PLXNB3: variants seen among roughly 807,000 people sequenced by gnomAD.
The protein encoded by PLXNB3 is plexin B3, also known as plexin-B3.
In PLXNB3, 80 loss-of-function variants were observed where a neutral mutation model predicts 125.7. The observed-to-expected ratio is 0.64, with a 90% confidence interval of 0.53 to 0.77. PLXNB3 has a LOEUF of 0.77. Ranked by LOEUF, PLXNB3 falls within the 30% of genes least tolerant of loss-of-function variation. The pLI is 0.00. For synonymous variants in PLXNB3, 954 were observed against 783.3 expected (o/e 1.22, Z -3.64); for missense variants, 1,836 against 1,729.3 (o/e 1.06, Z -1.09).
intron 1 of PLXNB3, among the ~76,000 whole-genome samples, chrX:153,764,566 G>A (rs1176893665): frequency 1.8e-5 from 2 of 112,936 alleles, no homozygotes; most frequent in Non-Finnish European, 3.8e-5. Flanking sequence ...ACAGGGTAGA[G>A]AGGCTGCCCG....
Position 153,776,453 on chromosome X carries a change from C to G in PLXNB3, c.4827C>G (p.His1609Gln). ...NHWKRLNTLQ[H>Q]YKVPDGATVG... ...GGAAGAGACTCAACACCTTGCAACA[C>G]TACAAGGTGTGAGCAGGGACGGGGC... The change falls in exon 28 of 36, where the codon CAC (histidine) becomes CAG (glutamine). Residue 1609 changes from histidine (H) to glutamine (Q), a missense_variant. By Grantham distance (24) the His-to-Gln change is conservative. Transcript: ENST00000361971. The G allele has an allele frequency of 9.8e-7, 1 of 1,022,500 alleles. No individual in the cohort carries two copies. Among genetic ancestry groups the G allele is most frequent in the Non-Finnish European group, 1.3e-6 (1 of 742,576 alleles). The allele number at this position is 1,022,500 out of a possible 1,213,427, so 84.3% of individuals were successfully genotyped here. A position where few individuals can be genotyped will look rare whatever the true frequency, so the allele number is the denominator to read the frequency against.
chrX:153,776,514 C>A (rs1603249880), intron 28 of PLXNB3, 55 bp downstream of exon 28: 1 of 171,903 alleles, frequency 5.8e-6, no homozygotes. Flanking sequence ...CAGGGCGAGG[C>A]AGGGCAGGGC....
chrX:153,770,169 C>T lies in PLXNB3; in HGVS notation c.1707C>T (p.Ser569=). 1.7e-6 allele frequency: 2 copies of T among 1,211,369 alleles called. No homozygotes were observed. The highest frequency in any genetic ancestry group is 3.0e-5 in the East Asian group (1 of 33,874). Reference sequence around the variant, plus strand: ...ATTGTGCGTTCGGGGACTATGACAGCTTGGCTCATGTGGAAGGGCCCCACG... The same window carrying T: ...ATTGTGCGTTCGGGGACTATGACAGTTTGGCTCATGTGGAAGGGCCCCACG... ...YFHCAFGDYD[S]LAHVEGPHVA... is the part of the protein sequence containing the mutation. The change falls in exon 8 of 36, where the codon AGC becomes AGT. Residue 569 remains serine (S), a synonymous_variant. Coordinates refer to ENST00000361971, the MANE Select transcript of PLXNB3 (RefSeq NM_005393.3).
rs782366597 is a variant in PLXNB3 at position 153,770,191 on chromosome X, C to T, written c.1729C>T (p.His577Tyr). 1 of 1,210,115 alleles carries T rather than the reference C, an allele frequency of 8.3e-7. No individual in the cohort carries two copies. Among genetic ancestry groups the T allele is most frequent in the East Asian group, 3.0e-5 (1 of 33,766 alleles). ...YDSLAHVEGP[H>Y]VACVTPPQDQ... ...CAGCTTGGCTCATGTGGAAGGGCCCCACGTGGCCTGTGTCACCCCTCCCCA... is the reference window on the plus strand; with the variant it reads ...CAGCTTGGCTCATGTGGAAGGGCCCTACGTGGCCTGTGTCACCCCTCCCCA... Residue 577 changes from histidine (H) to tyrosine (Y), a missense_variant, in exon 8 of 36, where the codon CAC becomes TAC. Transcript: ENST00000361971.
chrX:153,766,376 C>G (rs2091857769), intron 2 of PLXNB3: 12 of 1,107,944 alleles, frequency 1.1e-5, no homozygotes, highest in Admixed American at 3.2e-5. Context: ...GGCCTCACTC[C>G]TCTCACCTGA....
At chrX:153,768,131 C>T in intron 3 of PLXNB3, 118 bp from the exon 4 acceptor site, 1 of 871,073 alleles carries the variant, frequency 1.1e-6, no homozygotes, top group Non-Finnish European at 1.6e-6. Flanking sequence ...GCCCTGATTG[C>T]TGGGCCTTGG....
chrX:153,772,308 G>T, intron 16 of PLXNB3, 21 bp downstream of exon 16: 1 of 1,099,837 alleles, frequency 9.1e-7, no homozygotes, highest in Non-Finnish European at 1.3e-6. Context: ...TCCCAGGTGT[G>T]CCCTACGCAG....
At chrX:153,777,028 A>C in intron 29 of PLXNB3, 48 bp downstream of exon 29, 1 of 1,018,038 alleles carries the variant, frequency 9.8e-7, no homozygotes, top group Middle Eastern at 2.6e-4. Context: ...CAGGCTGGGC[A>C]GGCAGAACTC....
At position 153,770,896 on chromosome X, in the gene PLXNB3, G is replaced by A. The variant is rs782807659; in HGVS notation, c.2136+13G>A. The A allele has an allele frequency of 2.5e-5, 30 of 1,203,628 alleles. No individual in the cohort carries two copies. Among genetic ancestry groups the A allele is most frequent in the Non-Finnish European group, 3.0e-5 (27 of 890,386 alleles). ...TCAACATTTCCGAGTGAGCCATCAG[G>A]AGGGAAGGGGACAGGGCAGTGAGGT... is the stretch of plus-strand genomic sequence containing the variant. On this transcript the variant is annotated intron_variant, in intron 11 of 35. Coordinates refer to ENST00000361971, the MANE Select transcript of PLXNB3 (RefSeq NM_005393.3).
chrX:153,770,158 G>T lies in PLXNB3; in HGVS notation c.1696G>T (p.Asp566Tyr), dbSNP rs782708590. Residue 566 changes from aspartate to tyrosine, a missense_variant, in exon 8 of 36, where the codon GAC (aspartate) becomes TAC (tyrosine). Physicochemically the swap from Asp to Tyr is radical, Grantham distance 160. Transcript: ENST00000361971. ...TGAATACTTCCATTGTGCGTTCGGG[G>T]ACTATGACAGCTTGGCTCATGTGGA... ...ADEYFHCAFG[D>Y]YDSLAHVEGP... 2.5e-6 allele frequency: 3 copies of T among 1,211,207 alleles called. No homozygotes were observed. Among genetic ancestry groups the T allele is most frequent in the South Asian group, 1.8e-5 (1 of 57,027 alleles).
rs782757118 is a variant in PLXNB3, at chrX:153,771,930, C to T, written c.2584C>T (p.Arg862Trp). 51 of 1,208,405 alleles carry T rather than the reference C, an allele frequency of 4.2e-5. No homozygotes were observed. The highest frequency in any genetic ancestry group is 4.4e-5 in the Admixed American group (2 of 45,973). Residue 862 changes from arginine to tryptophan, a missense_variant, in exon 15 of 36, where the codon CGG becomes TGG. Physicochemically the swap from Arg to Trp is moderately radical, Grantham distance 101. Transcript: ENST00000361971. ...CACCATCCTGGGCTCCAACCTGGGC[C>T]GGGCCTTCGCCGATGTGCAGTACGC... The part of the protein sequence containing the change: ...ALTILGSNLG[R>W]AFADVQYAVS...
rs369470611 is a variant in PLXNB3, at chrX:153,770,444, C to T, written c.1893C>T (p.Ala631=). Residue 631 remains alanine (A), a splice_region_variant and synonymous_variant, in exon 9 of 36, where the codon GCC becomes GCT. Transcript: ENST00000361971. ...CCGTCCAGGCCTTGGAGGCGGCTGC[C>T]CCGTGAGTCCCTGGGCCTGCCTCCT... is the stretch of plus-strand genomic sequence containing the variant. ...CSAVQALEAA[A]PCRACVGSIW... is the part of the protein sequence containing the mutation. 4.1e-6 allele frequency: 5 copies of T among 1,204,828 alleles called. No homozygotes were observed. The African/African-American group carries it at 8.7e-5, about 21-fold the overall frequency.
At position 153,767,448 on chromosome X, in the gene PLXNB3, G is replaced by A; in HGVS notation, c.621G>A (p.Gln207=). The change falls in exon 3 of 36, where the codon CAG becomes CAA. Residue 207 remains glutamine, a synonymous_variant. Transcript: ENST00000361971. ...SAGVPPLAIR[Q]LAGSQPFSSE... is the part of the protein sequence containing the mutation. ...GGGTGCCACCCCTGGCCATCCGCCAGCTGGCCGGGTCTCAGCCCTTCTCCA... is the reference window on the plus strand; with the variant it reads ...GGGTGCCACCCCTGGCCATCCGCCAACTGGCCGGGTCTCAGCCCTTCTCCA... 1 of 1,192,209 alleles carries A rather than the reference G, an allele frequency of 8.4e-7. No homozygotes were observed.
intron 7 of PLXNB3, 24 bp from the exon 8 acceptor site, chrX:153,770,068 C>G (rs370818700): frequency 1.7e-6 from 2 of 1,205,995 alleles, no homozygotes; most frequent in African/African-American, 1.7e-5. Flanking sequence ...CTACATCTCC[C>G]GGTTTCTCCC....
intron 29 of PLXNB3, 44 bp downstream of exon 29, chrX:153,777,024 G>A (rs782745614): frequency 2.1e-5 from 22 of 1,034,742 alleles, no homozygotes; most frequent in Non-Finnish European, 2.5e-5. Context: ...AGTCCAGGCT[G>A]GGCAGGCAGA....
In PLXNB3 at chrX:153,769,958, C is replaced by T; in HGVS notation, c.1629+19C>T. 8.4e-7 allele frequency: 1 copy of T among 1,196,650 alleles called. No homozygotes were observed. The highest frequency in any genetic ancestry group is 1.1e-6 in the Non-Finnish European group (1 of 887,030). On this transcript the variant is annotated intron_variant, in intron 7 of 35. Coordinates refer to ENST00000361971, the MANE Select transcript of PLXNB3 (RefSeq NM_005393.3). ...GGGCCAGGTAAGCCGCCCACCACCA[C>T]TGGGCCCTCTGGGCAGCATGACCAC...
At position 153,773,356 on chromosome X, in the gene PLXNB3, C is replaced by T. The variant is rs1420186031; in HGVS notation, c.3033C>T (p.Tyr1011=). 9.9e-6 allele frequency: 12 copies of T among 1,207,375 alleles called. No individual in the cohort carries two copies. Among genetic ancestry groups the T allele is most frequent in the Admixed American group, 2.2e-5 (1 of 45,831 alleles). Residue 1011 remains tyrosine (Y), a synonymous_variant, in exon 18 of 36, where the codon TAC becomes TAT. Transcript: ENST00000361971. ...QRTLLASPFR[Y]TANPQLVAAE... is the part of the protein sequence containing the mutation. ...CACTGCTCGCCAGCCCCTTCCGCTA[C>T]ACCGCCAACCCCCAGCTTGTAGCGG...
At chrX:153,774,598 T>C in intron 22 of PLXNB3, 27 bp downstream of exon 22, 1 of 1,175,865 alleles carries the variant, frequency 8.5e-7, no homozygotes, top group Non-Finnish European at 1.1e-6. Context: ...CCCAGCACAC[T>C]TCCCTCCTCG....
rs782663411 is a variant in PLXNB3 at position 153,775,551 on chromosome X, G to A, written c.4335-43G>A. On this transcript the variant is annotated intron_variant, in intron 25 of 35. Transcript: ENST00000361971. ...AGGAAAGTGAGATGTCCTCAGCAGG[G>A]ACACAGGCACAAAGGCCTGACCCTG... is the stretch of plus-strand genomic sequence containing the variant. The A allele has an allele frequency of 4.2e-6, 5 of 1,181,984 alleles. No individual in the cohort carries two copies. In the East Asian group the frequency reaches 8.9e-5, roughly 21 times the overall value.
Sources: gnomAD v4.1 joint callset for allele counts (sites outside exome capture counted in the v4.1 genomes callset) on GRCh38, gnomAD v4.1.1 for gene constraint, MANE v1.5 for transcripts, NCBI Gene and HGNC (gene_info 2026-07-23, HGNC 2026-07-21) for gene names.